EGF: variants seen among roughly 807,000 people sequenced by gnomAD.
The protein encoded by EGF is pro-epidermal growth factor.
Under a neutral mutation model 143.8 loss-of-function variants are expected in EGF, and 95 were observed. That is an observed-to-expected ratio of 0.66 (90% CI 0.56 to 0.78). EGF has a LOEUF of 0.78. Ranked by LOEUF, EGF falls within the 30% of genes least tolerant of loss-of-function variation. The probability of loss-of-function intolerance (pLI) is 0.00; values close to 1 mark genes in which losing one functional copy is unlikely to be tolerated. For missense variants in EGF, 1,320 were observed against 1,470.9 expected, an observed-to-expected ratio of 0.90 and a Z score of 1.68; for synonymous variants, 510 against 510.5, an observed-to-expected ratio of 1.00 and a Z score of 0.01.
intron 11 of EGF, 66 bp from the exon 12 acceptor site, chr4:109,974,637 A>G: frequency 8.5e-7 from 1 of 1,173,006 alleles, no homozygotes; most frequent in Non-Finnish European, 1.3e-6. Context: ...AAAGAGGAGA[A>G]AGGAGTATTT....
Position 110,011,372 on chromosome 4 carries a change from A to C in EGF, c.3541A>C (p.Lys1181Gln), listed in dbSNP as rs761722528. Residue 1181 changes from lysine (K) to glutamine (Q), a missense_variant, in exon 24 of 24, where the codon AAG becomes CAG. Transcript: ENST00000265171. ...GTQTLEGGVE[K>Q]PHSLLSANPL... Reference sequence around the variant, plus strand: ...ACAGACCCTTGAAGGGGGTGTCGAGAAGCCCCATTCTCTCCTATCAGCTAA... The same window carrying C: ...ACAGACCCTTGAAGGGGGTGTCGAGCAGCCCCATTCTCTCCTATCAGCTAA... The C allele has an allele frequency of 6.2e-7, 1 of 1,614,028 alleles. No individual in the cohort carries two copies. The highest frequency in any genetic ancestry group is 1.3e-5 in the African/African-American group (1 of 74,902).
At chr4:109,955,760 A>G (rs1348996899) in intron 5 of EGF, among the ~76,000 whole-genome samples, 1 of 152,014 alleles carries the variant, frequency 6.6e-6, no homozygotes, top group African/African-American at 2.4e-5. Flanking sequence ...TGGATGTATT[A>G]GATGTTTACT....
intron 2 of EGF, among the ~76,000 whole-genome samples, chr4:109,942,188 A>C (rs1742047827): frequency 6.6e-6 from 1 of 152,244 alleles, no homozygotes; most frequent in Non-Finnish European, 1.5e-5. Context: ...AGAACATGGA[A>C]AAACTTAAAA....
intron 1 of EGF, among the ~76,000 whole-genome samples, chr4:109,923,829 C>T (rs746425768): frequency 1.3e-5 from 2 of 151,394 alleles, no homozygotes; most frequent in Non-Finnish European, 2.9e-5. Flanking sequence ...CCATGTTGCC[C>T]AGGCTGGTCT....
intron 11 of EGF, among the ~76,000 whole-genome samples, chr4:109,971,759 T>C (rs1274095569): frequency 6.6e-6 from 1 of 152,174 alleles, no homozygotes; most frequent in Non-Finnish European, 1.5e-5. Context: ...TGGATGTAAA[T>C]AACTGAGATT....
intron 10 of EGF, 67 bp downstream of exon 10, chr4:109,964,604 C>A: frequency 6.2e-7 from 1 of 1,604,588 alleles, no homozygotes. Flanking sequence ...TTTATCCTAA[C>A]AAATGACCTG....
chr4:109,993,492 C>A, intron 19 of EGF, 123 bp downstream of exon 19: 1 of 1,404,804 alleles, frequency 7.1e-7, no homozygotes, highest in South Asian at 1.3e-5. Flanking sequence ...GCAGAGCTGG[C>A]TTTCCTGATT....
At chr4:109,984,333 T>G (rs1749818143) in intron 16 of EGF, among the ~76,000 whole-genome samples, 1 of 152,224 alleles carries the variant, frequency 6.6e-6, no homozygotes, top group South Asian at 2.1e-4. Context: ...TGCAAACTAC[T>G]TTGTTGATGT....
chr4:109,954,045 T>TTTTATTTA (rs59333088), intron 5 of EGF, among the ~76,000 whole-genome samples: 15 of 151,998 alleles, frequency 9.9e-5, no homozygotes, highest in African/African-American at 3.4e-4. Flanking sequence ...GTTAAAAGCA[T>TTTTATTTA]TTTATTTATT....
In EGF at chr4:109,963,310, G is replaced by A; in HGVS notation, c.1438+12G>A. The A allele has an allele frequency of 1.9e-6, 3 of 1,613,648 alleles. No homozygotes were observed. Among genetic ancestry groups the A allele is most frequent in the Non-Finnish European group, 1.7e-6 (2 of 1,179,838 alleles). On this transcript the variant is annotated intron_variant, in intron 9 of 23. Coordinates refer to ENST00000265171, the MANE Select transcript of EGF (RefSeq NM_001963.6). Reference sequence around the variant, plus strand: ...CTGTGCAGCTTCAGGTTAGTGCTGTGGTTGTCTGGAACTGTGTCCCTGAAA... The same window carrying A: ...CTGTGCAGCTTCAGGTTAGTGCTGTAGTTGTCTGGAACTGTGTCCCTGAAA...
intron 1 of EGF, among the ~76,000 whole-genome samples, chr4:109,926,553 T>C (rs1039300587): frequency 1.3e-5 from 2 of 152,048 alleles, no homozygotes; most frequent in East Asian, 3.9e-4. Flanking sequence ...GAGACGGGGT[T>C]TCACCGAGTT....
intron 1 of EGF, among the ~76,000 whole-genome samples, chr4:109,915,809 G>A (rs1579422208): frequency 6.6e-6 from 1 of 152,190 alleles, no homozygotes; most frequent in Admixed American, 6.5e-5. Flanking sequence ...CAGTATTCAG[G>A]TAAACTTATG....
At chr4:109,986,300 C>T (rs1027123306) in intron 16 of EGF, among the ~76,000 whole-genome samples, 2 of 152,128 alleles carry the variant, frequency 1.3e-5, no homozygotes, top group East Asian at 1.9e-4. Flanking sequence ...CTTGGGTAAT[C>T]GGATACTGTC....
chr4:109,944,933 T>C, intron 4 of EGF, 140 bp from the exon 5 acceptor site: 1 of 886,938 alleles, frequency 1.1e-6, no homozygotes. Context: ...AAACTTAATA[T>C]ACTTTTCTAA....
intron 19 of EGF, among the ~76,000 whole-genome samples, chr4:109,994,195 G>C (rs1751447096): frequency 2.0e-5 from 3 of 152,174 alleles, no homozygotes; most frequent in Non-Finnish European, 4.4e-5. Flanking sequence ...CATGCCCTCT[G>C]TTACGGGAAC....
intron 1 of EGF, among the ~76,000 whole-genome samples, chr4:109,934,583 A>G (rs532149652): frequency 3.8e-4 from 58 of 152,226 alleles, no homozygotes; most frequent in Non-Finnish European, 7.9e-4. Context: ...CCATTTGTCT[A>G]TTTTGGCTTT....
At chr4:109,972,056 A>G (rs185074746) in intron 11 of EGF, among the ~76,000 whole-genome samples, 257 of 152,180 alleles carry the variant, frequency 1.7e-3, no homozygotes, top group African/African-American at 5.9e-3. Flanking sequence ...AAAAAAAAAA[A>G]TCACTCTTCT....
intron 1 of EGF, among the ~76,000 whole-genome samples, chr4:109,933,598 G>A (rs751503595): frequency 4.4e-4 from 67 of 152,026 alleles, no homozygotes; most frequent in Non-Finnish European, 7.4e-4. Flanking sequence ...ACAGGCCCCG[G>A]TGTGTGATGT....
At chr4:109,981,100 T>G in intron 15 of EGF, 125 bp downstream of exon 15, 1 of 1,415,468 alleles carries the variant, frequency 7.1e-7, no homozygotes, top group Non-Finnish European at 9.9e-7. Context: ...TTTTTAGGAA[T>G]GCTAAGAATT....
Sources: gnomAD v4.1 joint callset for allele counts (sites outside exome capture counted in the v4.1 genomes callset) on GRCh38, gnomAD v4.1.1 for gene constraint, MANE v1.5 for transcripts, NCBI Gene and HGNC (gene_info 2026-07-23, HGNC 2026-07-21) for gene names.